DFFA: variants seen among roughly 807,000 people sequenced by gnomAD.
DFFA encodes the protein DNA fragmentation factor subunit alpha.
In DFFA, 14 loss-of-function variants were observed where a neutral mutation model predicts 28.0. The ratio of observed to expected loss-of-function variants is 0.50; its 90% confidence interval spans 0.33 to 0.78. The LOEUF (loss-of-function observed/expected upper bound fraction) is 0.78, where lower values mean the gene tolerates loss of function less well. Among genes scored for constraint, DFFA ranks in the 30% least tolerant of loss-of-function variants. The pLI is 0.02. For missense variants in DFFA, 395 were observed against 407.1 expected, an observed-to-expected ratio of 0.97 and a Z score of 0.26; for synonymous variants, 158 against 170.3, an observed-to-expected ratio of 0.93 and a Z score of 0.56.
rs1641107267 is a variant in DFFA at position 10,472,170 on chromosome 1, A to T, written c.136+153T>A. The T allele has an allele frequency of 1.1e-6, 1 of 897,246 alleles. No individual in the cohort carries two copies. Among genetic ancestry groups the T allele is most frequent in the South Asian group, 2.1e-5 (1 of 48,596 alleles). 55.6% of individuals were successfully genotyped at this position (897,246 alleles called of 1,614,324 possible). A position where few individuals can be genotyped will look rare whatever the true frequency, so the allele number is the denominator to read the frequency against. ...TACGCTCAAGCGCCTTAAATCTGTA[A>T]ATCGCTATGCCCACTCGGACCGTTT... On this transcript the variant is annotated intron_variant, in intron 1 of 5. Transcript: ENST00000377038. This position sits in a 1 kb window ranked among gnomAD's most constrained non-coding sequence, Gnocchi z 5.0.
intron 5 of DFFA, 71 bp downstream of exon 5, chr1:10,462,987 C>T (rs202059186): frequency 2.5e-6 from 4 of 1,598,798 alleles, no homozygotes; most frequent in African/African-American, 1.3e-5. Context: ...GGCCCACACA[C>T]CTCTGCATGA....
chr1:10,471,174 G>A (rs1301699157), intron 1 of DFFA, among the ~76,000 whole-genome samples: 1 of 152,018 alleles, frequency 6.6e-6, no homozygotes. Context: ...TCTATCAGTA[G>A]CTTTTCATAT....
intron 3 of DFFA, among the ~76,000 whole-genome samples, chr1:10,465,784 T>G (rs34132699): frequency 2.0e-5 from 3 of 151,824 alleles, no homozygotes; most frequent in African/African-American, 7.3e-5. Context: ...CTTGACCACC[T>G]GGGCTCAAGT....
In DFFA at chr1:10,460,722, G is replaced by A. The variant is rs1404698332; in HGVS notation, c.*768C>T. 1 of 150,886 alleles carries A rather than the reference G, an allele frequency of 6.6e-6. No homozygotes were observed. The highest frequency in any genetic ancestry group is 1.5e-5 in the Non-Finnish European group (1 of 67,880). The allele number at this position is 150,886 out of a possible 1,614,324, so 9.3% of individuals were successfully genotyped here. ...TTTTTTGTACTTTTAGTAAAAACAC[G>A]TTTCACTGTGTTAGCCAGGATGGTC... On this transcript the variant is annotated 3_prime_UTR_variant, in exon 6 of 6. Transcript: ENST00000377038.
intron 3 of DFFA, among the ~76,000 whole-genome samples, chr1:10,466,955 A>C (rs1161088201): frequency 7.3e-6 from 1 of 137,170 alleles, no homozygotes; most frequent in African/African-American, 3.2e-5. Flanking sequence ...TGTGTCTCAA[A>C]AAAAAAAAAA....
In DFFA at chr1:10,472,404, TTAGAGTCC is replaced by T. The variant is rs1641111999; in HGVS notation, c.47_54del (p.Arg16GlnfsTer30). 1.2e-6 allele frequency: 2 copies of T among 1,612,404 alleles called. No homozygotes were observed. Among genetic ancestry groups the T allele is most frequent in the African/African-American group, 2.7e-5 (2 of 74,852 alleles). ...TAGTTGCGGCGCAGCAGACACGGCT[TTAGAGTCC>T]GGATCTCGCCAGATTCTGGTACCCC... On this transcript the variant is annotated frameshift_variant, in exon 1 of 6. Transcript: ENST00000377038. LOFTEE classifies it high-confidence loss of function. This position sits in a 1 kb window ranked among gnomAD's most constrained non-coding sequence, Gnocchi z 5.0.
rs901495689 is a variant in DFFA, at chr1:10,458,995, G to A, written c.*2495C>T. 1 of 151,956 alleles carries A rather than the reference G, an allele frequency of 6.6e-6. No homozygotes were observed. The highest frequency in any genetic ancestry group is 2.4e-5 in the African/African-American group (1 of 41,344). The allele number at this position is 151,956 out of a possible 1,614,324, so 9.4% of individuals were successfully genotyped here. A position where few individuals can be genotyped will look rare whatever the true frequency, so the allele number is the denominator to read the frequency against. On this transcript the variant is annotated 3_prime_UTR_variant, in exon 6 of 6. Transcript: ENST00000377038. ...AGCCTCCCAAGTAACTGGGACTACA[G>A]GCGTGTACCACTACACCCGGCTAAT...
rs1342076955 is a variant in DFFA at position 10,458,195 on chromosome 1, T to C, written c.*3295A>G. The C allele has an allele frequency of 6.6e-6, 1 of 152,158 alleles. No individual in the cohort carries two copies. Among genetic ancestry groups the C allele is most frequent in the Admixed American group, 6.5e-5 (1 of 15,270 alleles). 9.4% of individuals were successfully genotyped at this position (152,158 alleles called of 1,614,324 possible). On this transcript the variant is annotated 3_prime_UTR_variant, in exon 6 of 6. Transcript: ENST00000377038. ...CTCTGTCGGATGCACAGCGATTCCG[T>C]GTGTAAGTGCAAGCATCTGACAGTG...
intron 1 of DFFA, among the ~76,000 whole-genome samples, chr1:10,471,418 TTAGAAG>T (rs1160441253): frequency 6.6e-6 from 1 of 152,124 alleles, no homozygotes; most frequent in Non-Finnish European, 1.5e-5. Flanking sequence ...TGAAGGGGAA[TTAGAAG>T]TAAAGTAATC....
rs1225151223 is a variant in DFFA at position 10,469,276 on chromosome 1, C to T, written c.199G>A (p.Gly67Ser). 6.2e-6 allele frequency: 10 copies of T among 1,614,124 alleles called. No homozygotes were observed. Among genetic ancestry groups the T allele is most frequent in the African/African-American group, 2.7e-5 (2 of 75,044 alleles). Residue 67 changes from glycine (G) to serine (S), a missense_variant, in exon 2 of 6, where the codon GGC (glycine) becomes AGC (serine). Gly to Ser is a moderately conservative substitution (Grantham distance 56). Coordinates refer to ENST00000377038, the MANE Select transcript of DFFA (RefSeq NM_004401.3). The part of the protein sequence containing the change: ...TPVTLVLAED[G>S]TIVDDDDYFL... Reference sequence around the variant, plus strand: ...TAATCGTCATCATCCACTATGGTGCCATCCTCTGCCAGGACCAGGGTGACT... The same window carrying T: ...TAATCGTCATCATCCACTATGGTGCTATCCTCTGCCAGGACCAGGGTGACT...
chr1:10,462,707 T>C lies in DFFA; in HGVS notation c.783+351A>G, dbSNP rs951972608. ...CTCAAGTTTGCCTTTTCCTGTGACA[T>C]TGACAGACCTCAGGACGGACTATAG... On this transcript the variant is annotated intron_variant, in intron 5 of 5. Transcript: ENST00000377038. 7.5e-6 allele frequency: 8 copies of C among 1,062,408 alleles called. No individual in the cohort carries two copies. The East Asian group carries it at 2.6e-4, about 35-fold the overall frequency. 65.8% of individuals were successfully genotyped at this position (1,062,408 alleles called of 1,614,324 possible).
Position 10,472,273 on chromosome 1 carries a change from C to T in DFFA, c.136+50G>A, listed in dbSNP as rs1354427619. On this transcript the variant is annotated intron_variant, in intron 1 of 5. Transcript: ENST00000377038. This position sits in a 1 kb window ranked among gnomAD's most constrained non-coding sequence, Gnocchi z 5.0. Reference sequence around the variant, plus strand: ...CCCCGCCTCGCCCCCGCCGGACGTCCTCACCCGGCCCTGGCTCCCCCACAC... The same window carrying T: ...CCCCGCCTCGCCCCCGCCGGACGTCTTCACCCGGCCCTGGCTCCCCCACAC... 6.6e-7 allele frequency: 1 copy of T among 1,519,540 alleles called. No individual in the cohort carries two copies. The highest frequency in any genetic ancestry group is 8.9e-7 in the Non-Finnish European group (1 of 1,128,858). 94.1% of individuals were successfully genotyped at this position (1,519,540 alleles called of 1,614,324 possible).
chr1:10,462,978 G>A (rs1640968791), intron 5 of DFFA, 80 bp downstream of exon 5: 2 of 1,586,510 alleles, frequency 1.3e-6, no homozygotes, highest in East Asian at 4.5e-5. Context: ...GAACAAAAGG[G>A]CCCACACACC....
Position 10,472,379 on chromosome 1 carries a change from T to C in DFFA, c.80A>G (p.Tyr27Cys), listed in dbSNP as rs149393491. 5.5e-5 allele frequency: 89 copies of C among 1,612,434 alleles called. No individual in the cohort carries two copies. In the African/African-American group the frequency reaches 1.1e-3, roughly 21 times the overall value. ...GGCCACGCCGTGCTGTTCGCGGCTG[T>C]AGTTGCGGCGCAGCAGACACGGCTT... The part of the protein sequence containing the change: ...TLKPCLLRRN[Y>C]SREQHGVAAS... Residue 27 changes from tyrosine (Y) to cysteine (C), a missense_variant, in exon 1 of 6, where the codon TAC (tyrosine) becomes TGC (cysteine). Tyr to Cys is a radical substitution (Grantham distance 194). Transcript: ENST00000377038. This position sits in a 1 kb window ranked among gnomAD's most constrained non-coding sequence, Gnocchi z 5.0.
At chr1:10,469,839 C>CT (rs35502618) in intron 1 of DFFA, among the ~76,000 whole-genome samples, 83 of 139,442 alleles carry the variant, frequency 6.0e-4, no homozygotes, top group Non-Finnish European at 8.5e-4. Context: ...TTCTTTCTTT[C>CT]TTTTTTTTTT....
Position 10,461,192 on chromosome 1 carries a change from G to A in DFFA, c.*298C>T, listed in dbSNP as rs571516497. On this transcript the variant is annotated 3_prime_UTR_variant, in exon 6 of 6. Coordinates refer to ENST00000377038, the MANE Select transcript of DFFA (RefSeq NM_004401.3). ...CCCAGTGCTGGGATTACAGGCGTGA[G>A]CCACTGCGCCTGGCCAATCACTGCC... is the stretch of plus-strand genomic sequence containing the variant. 236 of 306,982 alleles carry A rather than the reference G, an allele frequency of 7.7e-4. 7 individuals are homozygous for A. The South Asian group carries it at 0.011, about 14-fold the overall frequency. 19.0% of individuals were successfully genotyped at this position (306,982 alleles called of 1,614,324 possible).
chr1:10,470,074 A>G (rs1641075267), intron 1 of DFFA, among the ~76,000 whole-genome samples: 1 of 152,078 alleles, frequency 6.6e-6, no homozygotes, highest in Non-Finnish European at 1.5e-5. Flanking sequence ...TCGGCCTCCC[A>G]AAGTGCTAGG....
chr1:10,462,874 T>G, intron 5 of DFFA, 184 bp downstream of exon 5: 1 of 1,417,732 alleles, frequency 7.1e-7, no homozygotes, highest in Non-Finnish European at 9.2e-7. Context: ...GCATTTTTCT[T>G]TAAAGCTATT....
At chr1:10,469,529 C>CT (rs987834283) in intron 1 of DFFA, among the ~76,000 whole-genome samples, 191 bp from the exon 2 acceptor site, 7 of 151,294 alleles carry the variant, frequency 4.6e-5, no homozygotes, top group South Asian at 2.1e-4. Flanking sequence ...GTGTTCTTTT[C>CT]TTTTTTTTTG....
Sources: gnomAD v4.1 joint callset for allele counts (sites outside exome capture counted in the v4.1 genomes callset) on GRCh38, gnomAD v4.1.1 for gene constraint, Gnocchi (gnomAD v3.1) non-coding constraint, MANE v1.5 for transcripts, NCBI Gene and HGNC (gene_info 2026-07-23, HGNC 2026-07-21) for gene names.